Variants in CLYBL observed in about 807,000 individuals in gnomAD.
CLYBL encodes the protein citramalyl-CoA lyase.
CLYBL carries 31 observed loss-of-function variants against 38.9 expected under a neutral mutation model. The observed-to-expected ratio is 0.80, with a 90% CI of 0.60 to 1.08. The LOEUF is 1.08. Among genes scored for constraint, CLYBL ranks in the 50% least tolerant of loss-of-function variants. CLYBL has a pLI of 0.00. For synonymous variants in CLYBL, 171 were observed against 158.6 expected (o/e 1.08, Z -0.59); for missense variants, 434 against 411.6 (o/e 1.05, Z -0.47).
chr13:99,673,727 T>TGAG (rs1046777422), intron 1 of CLYBL, among the ~76,000 whole-genome samples: 1 of 152,146 alleles, frequency 6.6e-6, no homozygotes, highest in African/African-American at 2.4e-5. Flanking sequence ...CCAGGTGGAA[T>TGAG]GAGGAGCCAT....
At chr13:99,891,224 G>A (rs2052480089) in intron 7 of CLYBL, 94 bp from the exon 8 acceptor site, 1 of 906,068 alleles carries the variant, frequency 1.1e-6, no homozygotes, top group Non-Finnish European at 1.8e-6. Context: ...AATTCAGGTG[G>A]AATCTAAAAT....
intron 1 of CLYBL, among the ~76,000 whole-genome samples, chr13:99,725,935 A>G (rs1407745300): frequency 6.6e-6 from 1 of 152,220 alleles, no homozygotes; most frequent in African/African-American, 2.4e-5. Context: ...TCCTAATTTA[A>G]GATAGCTTTG....
At chr13:99,867,320 G>C (rs540205275) in intron 6 of CLYBL, among the ~76,000 whole-genome samples, 2 of 152,118 alleles carry the variant, frequency 1.3e-5, no homozygotes, top group Non-Finnish European at 2.9e-5. Flanking sequence ...TCTAGGTAGC[G>C]GTTACCGAAA....
intron 1 of CLYBL, among the ~76,000 whole-genome samples, chr13:99,705,836 A>G (rs2048138558): frequency 6.6e-6 from 1 of 152,104 alleles, no homozygotes; most frequent in African/African-American, 2.4e-5. Flanking sequence ...CATAGTGGTA[A>G]TGGATGCACA....
intron 1 of CLYBL, among the ~76,000 whole-genome samples, chr13:99,658,306 G>C (rs924579687): frequency 1.3e-5 from 2 of 152,246 alleles, no homozygotes; most frequent in African/African-American, 2.4e-5. Flanking sequence ...TTTTAGGTTT[G>C]TCGATAGTAA....
At chr13:99,875,958 A>G (rs1395294722) in intron 7 of CLYBL, among the ~76,000 whole-genome samples, 1 of 152,192 alleles carries the variant, frequency 6.6e-6, no homozygotes, top group Non-Finnish European at 1.5e-5. Context: ...TGAGTCTGCC[A>G]ATGATGACTT....
At chr13:99,784,954 C>T (rs769306280) in intron 2 of CLYBL, among the ~76,000 whole-genome samples, 4 of 151,464 alleles carry the variant, frequency 2.6e-5, no homozygotes, top group Non-Finnish European at 2.9e-5. Context: ...TGCAATGGTG[C>T]GATCTCTGCT....
intron 2 of CLYBL, among the ~76,000 whole-genome samples, chr13:99,818,472 CACACACACACACGG>C (rs2050506163): frequency 2.6e-5 from 4 of 151,872 alleles, no homozygotes; most frequent in Non-Finnish European, 2.9e-5. Context: ...CACACACACA[CACACACACACACGG>C]ACACACACTG....
Position 99,635,266 on chromosome 13 carries a change from G to A in CLYBL, c.62+28509G>A, listed in dbSNP as rs1032214141. Among the ~76,000 whole-genome samples, 7 of 152,138 alleles carry A rather than the reference G, an allele frequency of 4.6e-5. No individual in the cohort carries two copies. In the South Asian group the frequency reaches 6.3e-4, roughly 14 times the overall value. On this transcript the variant is annotated intron_variant, in intron 1 of 8. Coordinates refer to ENST00000339105, the MANE Select transcript of CLYBL (RefSeq NM_206808.5). Reference sequence around the variant, plus strand: ...ATTGACCCAAATCCTTCTCAAATCTGCCGCCTTTCTCTGTCATGATTTTTA... The same window carrying A: ...ATTGACCCAAATCCTTCTCAAATCTACCGCCTTTCTCTGTCATGATTTTTA...
rs984558052 is a variant in CLYBL at position 99,905,396 on chromosome 13, C to T, written c.*151C>T. 5.3e-5 allele frequency among the ~76,000 whole-genome samples: 8 copies of T among 152,190 alleles called. No homozygotes were observed. The East Asian group carries it at 9.6e-4, about 18-fold the overall frequency. On this transcript the variant is annotated 3_prime_UTR_variant and NMD_transcript_variant, in exon 9 of 10. Coordinates refer to the CLYBL transcript ENST00000689673. ...GCACACATTTACTGAGCTTCTGTTA[C>T]GTGCCTGTGGTGAGTGACATGACAT...
At chr13:99,615,329 G>T (rs919842377) in intron 1 of CLYBL, among the ~76,000 whole-genome samples, 13 of 152,266 alleles carry the variant, frequency 8.5e-5, no homozygotes, top group African/African-American at 3.1e-4. Flanking sequence ...GAAGCCCATA[G>T]TGCTGGTAGC....
At chr13:99,608,400 CACTGTG>C (rs1205380819) in intron 1 of CLYBL, among the ~76,000 whole-genome samples, 2 of 152,210 alleles carry the variant, frequency 1.3e-5, no homozygotes, top group Non-Finnish European at 2.9e-5. Context: ...CGTCTTCTTG[CACTGTG>C]ACTCTTCAGT....
chr13:99,884,957 A>G (rs775329827), intron 7 of CLYBL: 1 of 472,992 alleles, frequency 2.1e-6, no homozygotes, highest in Non-Finnish European at 4.4e-6. Flanking sequence ...CAACTACCGA[A>G]CTTGTGTCCT....
intron 1 of CLYBL, among the ~76,000 whole-genome samples, chr13:99,719,683 T>C (rs950167554): frequency 6.6e-6 from 1 of 150,802 alleles, no homozygotes; most frequent in Non-Finnish European, 1.5e-5. Flanking sequence ...ATTTTTTGTA[T>C]TTTTAGTAGA....
intron 7 of CLYBL, chr13:99,877,513 C>G: frequency 3.0e-6 from 1 of 332,700 alleles, no homozygotes; most frequent in African/African-American, 2.3e-5. Flanking sequence ...TAGAGACTTT[C>G]AGAGCATTCT....
intron 1 of CLYBL, among the ~76,000 whole-genome samples, chr13:99,663,439 C>T (rs1344451047): frequency 1.3e-5 from 2 of 152,164 alleles, no homozygotes; most frequent in Non-Finnish European, 2.9e-5. Context: ...CATCCCCATC[C>T]CATGTCTAGT....
At chr13:99,747,994 G>A (rs1430657715) in intron 1 of CLYBL, among the ~76,000 whole-genome samples, 1 of 152,060 alleles carries the variant, frequency 6.6e-6, no homozygotes, top group African/African-American at 2.4e-5. Flanking sequence ...GTGCAGTGGC[G>A]TTAAATAGTA....
chr13:99,722,946 A>T (rs1031336587), intron 1 of CLYBL, among the ~76,000 whole-genome samples: 9 of 152,240 alleles, frequency 5.9e-5, no homozygotes, highest in African/African-American at 1.4e-4. Flanking sequence ...CTTTGATGAG[A>T]TATAGCCGCA....
intron 1 of CLYBL, among the ~76,000 whole-genome samples, chr13:99,751,026 G>C (rs369437173): frequency 6.6e-6 from 1 of 152,116 alleles, no homozygotes; most frequent in African/African-American, 2.4e-5. Context: ...ATTGAAGCAC[G>C]GACTCCAACA....
Sources: gnomAD v4.1 joint callset for allele counts (sites outside exome capture counted in the v4.1 genomes callset) on GRCh38, gnomAD v4.1.1 for gene constraint, MANE v1.5 for transcripts, NCBI Gene and HGNC (gene_info 2026-07-23, HGNC 2026-07-21) for gene names.